The following GPC5 variants were observed in gnomAD, a reference collection of about 807,000 sequenced individuals.
The protein encoded by GPC5 is glypican 5.
A neutral mutation model predicts 53.9 loss-of-function variants in GPC5; 47 were observed. The ratio of observed to expected loss-of-function variants is 0.87; its 90% confidence interval spans 0.69 to 1.11. GPC5 has a LOEUF of 1.11. Among genes scored for constraint, GPC5 ranks in the 50% most tolerant of loss-of-function variants. GPC5 has a pLI of 0.00. For synonymous variants in GPC5, 286 were observed against 263.3 expected, an observed-to-expected ratio of 1.09 and a Z score of -0.84; for missense variants, 748 against 713.1, an observed-to-expected ratio of 1.05 and a Z score of -0.56.
chr13:92,529,320 C>G (rs1023561501), intron 7 of GPC5, among the ~76,000 whole-genome samples: 6 of 152,070 alleles, frequency 3.9e-5, no homozygotes, highest in Non-Finnish European at 8.8e-5. Flanking sequence ...AATAAAACAG[C>G]CTTCACCTTA....
chr13:91,797,312 A>G (rs2038061720), intron 5 of GPC5, among the ~76,000 whole-genome samples: 2 of 152,168 alleles, frequency 1.3e-5, no homozygotes, highest in African/African-American at 4.8e-5. Flanking sequence ...GTTTACAGAC[A>G]TTGTTGCTAC....
intron 7 of GPC5, among the ~76,000 whole-genome samples, chr13:92,208,294 A>G (rs755722232): frequency 1.3e-5 from 2 of 152,200 alleles, no homozygotes; most frequent in Admixed American, 6.5e-5. Flanking sequence ...CCCGCCCCAT[A>G]TGGGTATCCA....
intron 7 of GPC5, among the ~76,000 whole-genome samples, chr13:92,851,648 A>G (rs978401992): frequency 1.3e-5 from 2 of 151,926 alleles, no homozygotes; most frequent in Non-Finnish European, 2.9e-5. Flanking sequence ...TTGGGAGGCC[A>G]AGGAGGGCGG....
At chr13:91,498,604 T>C (rs1884437136) in intron 2 of GPC5, among the ~76,000 whole-genome samples, 1 of 152,126 alleles carries the variant, frequency 6.6e-6, no homozygotes, top group South Asian at 2.1e-4. Flanking sequence ...TGTTTTTAAA[T>C]ATGGCAGTAA....
chr13:91,843,712 C>A (rs997254752), intron 5 of GPC5, among the ~76,000 whole-genome samples: 1 of 152,048 alleles, frequency 6.6e-6, no homozygotes, highest in Non-Finnish European at 1.5e-5. Context: ...GCTGGCCCAG[C>A]AGATTGGAGG....
chr13:92,724,334 A>G (rs1888579396), intron 7 of GPC5, among the ~76,000 whole-genome samples: 1 of 151,676 alleles, frequency 6.6e-6, no homozygotes, highest in Non-Finnish European at 1.5e-5. Context: ...ATGTGTTAAT[A>G]AAAACAAACA....
At chr13:92,629,086 A>T (rs1284613729) in intron 7 of GPC5, among the ~76,000 whole-genome samples, 2 of 152,174 alleles carry the variant, frequency 1.3e-5, no homozygotes, top group Non-Finnish European at 2.9e-5. Context: ...GCCCTAGAAT[A>T]AGTCTATTGG....
chr13:92,660,293 C>T (rs1264518034), intron 7 of GPC5, among the ~76,000 whole-genome samples: 1 of 151,934 alleles, frequency 6.6e-6, no homozygotes, highest in Non-Finnish European at 1.5e-5. Context: ...GTACCTAATG[C>T]TTTGATGATG....
intron 2 of GPC5, among the ~76,000 whole-genome samples, chr13:91,522,853 T>A (rs984231802): frequency 1.3e-5 from 2 of 152,244 alleles, no homozygotes; most frequent in African/African-American, 4.8e-5. Flanking sequence ...ACTCATCCTT[T>A]TTTTGGCTGC....
intron 7 of GPC5, among the ~76,000 whole-genome samples, chr13:92,665,447 C>A (rs1192225187): frequency 6.6e-6 from 1 of 152,178 alleles, no homozygotes; most frequent in African/African-American, 2.4e-5. Context: ...CCCCAGTGCT[C>A]TTTCTTTGAT....
chr13:92,469,776 C>T (rs929540932), intron 7 of GPC5, among the ~76,000 whole-genome samples: 3 of 152,042 alleles, frequency 2.0e-5, no homozygotes, highest in Admixed American at 1.3e-4. Flanking sequence ...GGGGAATTCA[C>T]ATAGGAATTA....
At chr13:92,809,476 G>A (rs969326992) in intron 7 of GPC5, among the ~76,000 whole-genome samples, 3 of 152,110 alleles carry the variant, frequency 2.0e-5, no homozygotes, top group African/African-American at 7.2e-5. Context: ...TAGATTAAAT[G>A]ACTTGTCCAG....
rs190631163 is a variant in GPC5 at position 91,962,598 on chromosome 13, C to T, written c.1401+54541C>T. 1.5e-3 allele frequency among the ~76,000 whole-genome samples: 231 copies of T among 152,120 alleles called. 1 individual carries two copies. In the Middle Eastern group the frequency reaches 0.051, roughly 34 times the overall value. ...TGTACCTATATATTCTCACCCATAC[C>T]TTCAAACACACATTTTGAAATTTCC... On this transcript the variant is annotated intron_variant, in intron 6 of 7. Coordinates refer to ENST00000377067, the MANE Select transcript of GPC5 (RefSeq NM_004466.6).
At chr13:91,926,837 C>A (rs1158501680) in intron 6 of GPC5, among the ~76,000 whole-genome samples, 1 of 152,134 alleles carries the variant, frequency 6.6e-6, no homozygotes, top group Non-Finnish European at 1.5e-5. Flanking sequence ...TGAGGCTTTG[C>A]ATGGACACAG....
In GPC5 at chr13:92,287,912, G is replaced by A. The variant is rs79266693; in HGVS notation, c.1561+142923G>A. Reference sequence around the variant, plus strand: ...TACATACACTGGTATGCTTGATGGTGTCCCATACATCTCGTGGGCTCTGTT... The same window carrying A: ...TACATACACTGGTATGCTTGATGGTATCCCATACATCTCGTGGGCTCTGTT... On this transcript the variant is annotated intron_variant, in intron 7 of 7. Coordinates refer to ENST00000377067, the MANE Select transcript of GPC5 (RefSeq NM_004466.6). Among the ~76,000 whole-genome samples, 564 of 152,078 alleles carry A rather than the reference G, an allele frequency of 3.7e-3. 25 individuals carry two copies. In the East Asian group the frequency reaches 0.091, roughly 25 times the overall value.
intron 2 of GPC5, among the ~76,000 whole-genome samples, chr13:91,538,387 G>A (rs1414722): frequency 0.11 from 17,086 of 151,936 alleles, 1,132 homozygotes; most frequent in South Asian, 0.3. Context: ...TTTGAATAAA[G>A]GAATAACTTA....
intron 3 of GPC5, among the ~76,000 whole-genome samples, chr13:91,708,981 A>T (rs938944423): frequency 2.0e-5 from 3 of 152,238 alleles, no homozygotes; most frequent in Non-Finnish European, 4.4e-5. Flanking sequence ...TTCCCCACGG[A>T]TGCTCAACTT....
At chr13:92,224,814 A>G (rs59410447) in intron 7 of GPC5, among the ~76,000 whole-genome samples, 27,886 of 151,952 alleles carry the variant, frequency 0.18, 2,688 homozygotes, top group Admixed American at 0.22. Flanking sequence ...CCAGAAGAGG[A>G]CTCTTAGAAG....
At chr13:92,345,407 G>T (rs911562010) in intron 7 of GPC5, among the ~76,000 whole-genome samples, 2 of 152,084 alleles carry the variant, frequency 1.3e-5, no homozygotes, top group Admixed American at 6.6e-5. Flanking sequence ...AAAAGAGAAA[G>T]AAATGGAGAT....
Sources: allele counts gnomAD v4.1 joint callset (sites outside exome capture counted in the v4.1 genomes callset), GRCh38; gene constraint gnomAD v4.1.1; transcripts MANE v1.5; gene names NCBI Gene and HGNC (gene_info 2026-07-23, HGNC 2026-07-21).